The following EIF2B3 variants were observed in gnomAD, a reference collection of about 807,000 sequenced individuals.
EIF2B3 encodes translation initiation factor eIF2B subunit gamma.
Under a neutral mutation model 54.1 loss-of-function variants are expected in EIF2B3, and 20 were observed. That is an observed-to-expected ratio of 0.37 (90% CI 0.26 to 0.54). The LOEUF (loss-of-function observed/expected upper bound fraction) is 0.54. EIF2B3 is among the 20% of genes least tolerant of loss of function. The probability of loss-of-function intolerance (pLI) is 0.86; values close to 1 mark genes in which losing one functional copy is unlikely to be tolerated. For missense variants in EIF2B3, 448 were observed against 547.8 expected, an observed-to-expected ratio of 0.82 and a Z score of 1.82; for synonymous variants, 153 against 188.1, an observed-to-expected ratio of 0.81 and a Z score of 1.52.
At chr1:44,983,322 T>C (rs1212942482) in intron 1 of EIF2B3, among the ~76,000 whole-genome samples, 1 of 152,230 alleles carries the variant, frequency 6.6e-6, no homozygotes, top group Non-Finnish European at 1.5e-5. Context: ...CAACATCAAA[T>C]TGCCAAATAA....
At chr1:44,971,979 C>A (rs1335584550) in intron 3 of EIF2B3, among the ~76,000 whole-genome samples, 1 of 151,882 alleles carries the variant, frequency 6.6e-6, no homozygotes, top group African/African-American at 2.4e-5. Context: ...TTGCAGTAAG[C>A]CGAGATTGCA....
At chr1:44,877,209 A>T (rs71653933) in intron 8 of EIF2B3, among the ~76,000 whole-genome samples, 5 of 147,924 alleles carry the variant, frequency 3.4e-5, no homozygotes, top group African/African-American at 1.3e-4. Context: ...AAAAAAAAAA[A>T]AAAAAAAAAA....
intron 3 of EIF2B3, among the ~76,000 whole-genome samples, chr1:44,968,607 G>T (rs1644368765): frequency 6.6e-6 from 1 of 152,090 alleles, no homozygotes; most frequent in Non-Finnish European, 1.5e-5. Flanking sequence ...GATAATGAAA[G>T]AATACATTTA....
chr1:44,939,812 A>G (rs1557695477), intron 4 of EIF2B3, among the ~76,000 whole-genome samples: 1 of 152,132 alleles, frequency 6.6e-6, no homozygotes, highest in Non-Finnish European at 1.5e-5. Context: ...GAATAAGTTG[A>G]TTTTTTAATT....
At chr1:44,890,057 G>A (rs1006869737) in intron 6 of EIF2B3, among the ~76,000 whole-genome samples, 1 of 152,212 alleles carries the variant, frequency 6.6e-6, no homozygotes, top group Non-Finnish European at 1.5e-5. Flanking sequence ...GTTTACATCA[G>A]AGAAGCATGC....
intron 3 of EIF2B3, among the ~76,000 whole-genome samples, chr1:44,976,736 T>C (rs1644457167): frequency 6.6e-6 from 1 of 152,212 alleles, no homozygotes; most frequent in African/African-American, 2.4e-5. Context: ...AACAGATTAG[T>C]TATACTTTCA....
At chr1:44,944,566 G>A (rs1474035975) in intron 3 of EIF2B3, among the ~76,000 whole-genome samples, 2 of 151,748 alleles carry the variant, frequency 1.3e-5, no homozygotes, top group Non-Finnish European at 2.9e-5. Context: ...GCTGAGGCAG[G>A]AGCATCACTT....
At chr1:44,872,986 G>A (rs905744719) in intron 10 of EIF2B3, among the ~76,000 whole-genome samples, 2 of 152,178 alleles carry the variant, frequency 1.3e-5, no homozygotes, top group African/African-American at 4.8e-5. Context: ...GCTTGTTTTA[G>A]CTTGGGAGAG....
chr1:44,954,638 G>A (rs967746707), intron 3 of EIF2B3, among the ~76,000 whole-genome samples: 49 of 152,152 alleles, frequency 3.2e-4, no homozygotes, highest in Admixed American at 6.5e-5. Flanking sequence ...GGACGATGGG[G>A]TTTTCTAAAT....
At chr1:44,876,129 A>C (rs972518084) in intron 8 of EIF2B3, among the ~76,000 whole-genome samples, 4 of 152,072 alleles carry the variant, frequency 2.6e-5, no homozygotes, top group Non-Finnish European at 4.4e-5. Flanking sequence ...GATCTCGGCT[A>C]GCTACAACCA....
intron 4 of EIF2B3, among the ~76,000 whole-genome samples, chr1:44,932,998 C>T (rs1057225537): frequency 2.0e-5 from 3 of 151,794 alleles, no homozygotes; most frequent in African/African-American, 7.3e-5. Flanking sequence ...GAAGGGTGAA[C>T]CTAAAATGAC....
chr1:44,942,416 T>TATACATATATATGTATATATATATATAC (rs1644043756), intron 3 of EIF2B3, among the ~76,000 whole-genome samples: 2 of 17,912 alleles, frequency 1.1e-4, no homozygotes, highest in African/African-American at 5.3e-4. Context: ...TATATATATA[T>TATACATATATATGTATATATATATATAC]ATTTTTTTTT....
At chr1:44,894,840 C>T (rs975298120) in intron 6 of EIF2B3, among the ~76,000 whole-genome samples, 2 of 152,058 alleles carry the variant, frequency 1.3e-5, no homozygotes, top group African/African-American at 4.8e-5. Context: ...TATCATTGCT[C>T]ATTTCCTGTA....
chr1:44,912,484 T>C (rs1284581244), intron 5 of EIF2B3, among the ~76,000 whole-genome samples: 1 of 152,226 alleles, frequency 6.6e-6, no homozygotes, highest in Non-Finnish European at 1.5e-5. Flanking sequence ...GCTCTCTATT[T>C]TTAGACCAAC....
intron 6 of EIF2B3, among the ~76,000 whole-genome samples, chr1:44,894,015 A>G (rs1049206330): frequency 3.3e-5 from 5 of 152,140 alleles, no homozygotes; most frequent in African/African-American, 1.2e-4. Context: ...TAGGGCCCTG[A>G]CTCAGGTCTA....
chr1:44,964,189 G>A (rs957225974), intron 3 of EIF2B3, among the ~76,000 whole-genome samples: 2 of 149,724 alleles, frequency 1.3e-5, no homozygotes, highest in African/African-American at 4.9e-5. Context: ...TGCCAGTAAT[G>A]TTGGGCTTTT....
At chr1:44,932,898 T>C (rs1212975934) in intron 4 of EIF2B3, among the ~76,000 whole-genome samples, 1 of 152,214 alleles carries the variant, frequency 6.6e-6, no homozygotes, top group Non-Finnish European at 1.5e-5. Flanking sequence ...TCACAATCTG[T>C]ACCTCAGGAG....
intron 5 of EIF2B3, among the ~76,000 whole-genome samples, chr1:44,923,737 T>G (rs536705159): frequency 1.3e-5 from 2 of 152,112 alleles, no homozygotes; most frequent in Non-Finnish European, 2.9e-5. Context: ...GTATTTCATT[T>G]CTATGAGATT....
At chr1:44,965,750 G>A (rs1268827199) in intron 3 of EIF2B3, among the ~76,000 whole-genome samples, 2 of 146,076 alleles carry the variant, frequency 1.4e-5, no homozygotes, top group Non-Finnish European at 3.0e-5. Flanking sequence ...AGCGATCTTC[G>A]TGCCTCGGCC....
Sources: gnomAD v4.1 joint callset for allele counts (sites outside exome capture counted in the v4.1 genomes callset) on GRCh38, gnomAD v4.1.1 for gene constraint, MANE v1.5 for transcripts, NCBI Gene and HGNC (gene_info 2026-07-23, HGNC 2026-07-21) for gene names.